FAT3: variants seen among roughly 807,000 people sequenced by gnomAD.
FAT3 encodes FAT atypical cadherin 3, also known as protocadherin Fat 3.
FAT3 carries 95 observed loss-of-function variants against 310.2 expected under a neutral mutation model. The ratio of observed to expected loss-of-function variants is 0.31; its 90% CI spans 0.26 to 0.36. The LOEUF (loss-of-function observed/expected upper bound fraction) is 0.36. Among genes scored for constraint, FAT3 ranks in the 10% least tolerant of loss-of-function variants. FAT3 has a pLI of 1.00. For synonymous variants in FAT3, 2,314 were observed against 2,192.9 expected (o/e 1.06, Z -1.54); for missense variants, 5,408 against 5,715.6 (o/e 0.95, Z 1.74).
chr11:92,728,079 G>A (rs1166112016), intron 4 of FAT3, among the ~76,000 whole-genome samples: 1 of 152,066 alleles, frequency 6.6e-6, no homozygotes, highest in Non-Finnish European at 1.5e-5. Context: ...TAGCTCTGGT[G>A]GTCTAGAGCT....
rs1565597288 is a variant in FAT3 at position 92,792,910 on chromosome 11, T to G, written c.4755T>G (p.Val1585=). Residue 1585 remains valine (V), a synonymous_variant, in exon 9 of 28, where the codon GTT becomes GTG. Coordinates refer to ENST00000525166, the MANE Select transcript of FAT3 (RefSeq NM_001367949.2). ...VFESAALGSA[V]LQVTALDKDK... is the part of the protein sequence containing the mutation. ...AATCTGCTGCTCTGGGATCAGCTGT[T>G]CTGCAAGTGACGGCTCTGGACAAAG... 3.1e-6 allele frequency: 5 copies of G among 1,613,850 alleles called. No homozygotes were observed. Among genetic ancestry groups the G allele is most frequent in the Non-Finnish European group, 3.4e-6 (4 of 1,179,802 alleles).
chr11:92,295,357 G>A (rs376753143), intron 1 of FAT3, among the ~76,000 whole-genome samples: 28 of 152,112 alleles, frequency 1.8e-4, no homozygotes, highest in Admixed American at 9.8e-4. Flanking sequence ...CCAGGAGGCC[G>A]TGTTGGATTA....
At chr11:92,561,923 G>A (rs1813519902) in intron 3 of FAT3, among the ~76,000 whole-genome samples, 1 of 152,104 alleles carries the variant, frequency 6.6e-6, no homozygotes, top group African/African-American at 2.4e-5. Context: ...ACCATGCCTG[G>A]CCTACCATTT....
chr11:92,890,093 C>G (rs1192790205), intron 27 of FAT3, among the ~76,000 whole-genome samples: 1 of 152,232 alleles, frequency 6.6e-6, no homozygotes. Context: ...ACCCATTTGC[C>G]TGCACGCCTT....
In FAT3 at chr11:92,859,139, A is replaced by C. The variant is rs768055609; in HGVS notation, c.11501-26A>C. 8 of 1,604,286 alleles carry C rather than the reference A, an allele frequency of 5.0e-6. No individual in the cohort carries two copies. In the Admixed American group the frequency reaches 5.1e-5, roughly 10 times the overall value. On this transcript the variant is annotated intron_variant, in intron 20 of 27. Transcript: ENST00000525166. Reference sequence around the variant, plus strand: ...TCCTTTCTGGATGTTAAAAATATATATGTCTTCTCATAACGGTCTTTTCAG... The same window carrying C: ...TCCTTTCTGGATGTTAAAAATATATCTGTCTTCTCATAACGGTCTTTTCAG...
chr11:92,810,718 A>T (rs955142206), intron 13 of FAT3, among the ~76,000 whole-genome samples: 3 of 152,310 alleles, frequency 2.0e-5, no homozygotes, highest in Admixed American at 2.0e-4. Flanking sequence ...TCCACTTTAC[A>T]TAATGAGATG....
chr11:92,300,632 G>A (rs1946974573), intron 1 of FAT3, among the ~76,000 whole-genome samples: 1 of 152,068 alleles, frequency 6.6e-6, no homozygotes. Context: ...AGTTTGTCAA[G>A]GTATGCTGTC....
chr11:92,438,545 C>G (rs1037682501), intron 2 of FAT3, among the ~76,000 whole-genome samples: 1 of 152,136 alleles, frequency 6.6e-6, no homozygotes, highest in Non-Finnish European at 1.5e-5. Flanking sequence ...GTTTCCATCT[C>G]TAGAATATAG....
rs1173324071 is a variant in FAT3 at position 92,831,669 on chromosome 11, GTCT to G, written c.9533_9535del (p.Phe3178del). 6.2e-7 allele frequency: 1 copy of G among 1,613,276 alleles called. No individual in the cohort carries two copies. Among genetic ancestry groups the G allele is most frequent in the Non-Finnish European group, 8.5e-7 (1 of 1,179,772 alleles). On this transcript the variant is annotated inframe_deletion, in exon 14 of 28. Transcript: ENST00000525166. The stretch of plus-strand genomic sequence containing the variant: ...CTCCCTGGCAGACTCAGCTGGTGGG[GTCT>G]TCTCCATTGACAGCTCATCTGGCAT...
chr11:92,243,041 A>G (rs968089941), intron 1 of FAT3, among the ~76,000 whole-genome samples: 13 of 152,162 alleles, frequency 8.5e-5, no homozygotes, highest in Non-Finnish European at 1.5e-4. Flanking sequence ...AGAAACAAGT[A>G]TAATTTATGA....
At chr11:92,238,469 T>G (rs1864529147) in intron 1 of FAT3, among the ~76,000 whole-genome samples, 1 of 152,120 alleles carries the variant, frequency 6.6e-6, no homozygotes, top group Non-Finnish European at 1.5e-5. Flanking sequence ...TCTTGAAATT[T>G]CGTTTGTATA....
In FAT3 at chr11:92,788,136, A is replaced by G. The variant is rs147733029; in HGVS notation, c.4336-1807A>G. Among the ~76,000 whole-genome samples the G allele has an allele frequency of 1.4e-3, 207 of 152,286 alleles. 1 individual carries two copies. The highest frequency in any genetic ancestry group is 4.8e-3 in the African/African-American group (198 of 41,568). On this transcript the variant is annotated intron_variant, in intron 7 of 27. Transcript: ENST00000525166. The stretch of plus-strand genomic sequence containing the variant: ...AATGGATAATGGGAAAATGCACAAG[A>G]TAACACTGGAAAAAATTACTGGTAG...
chr11:92,442,058 G>A (rs1201997214), intron 2 of FAT3, among the ~76,000 whole-genome samples: 2 of 134,546 alleles, frequency 1.5e-5, no homozygotes, highest in African/African-American at 2.9e-5. Context: ...CTTTTTAAGT[G>A]CAAAACTTAA....
chr11:92,560,663 A>G (rs1955193701), intron 3 of FAT3, among the ~76,000 whole-genome samples: 1 of 152,214 alleles, frequency 6.6e-6, no homozygotes, highest in South Asian at 2.1e-4. Flanking sequence ...GACTCTGTTT[A>G]TGCTGTGTAT....
At chr11:92,625,619 T>G in intron 3 of FAT3, among the ~76,000 whole-genome samples, 1 of 152,208 alleles carries the variant, frequency 6.6e-6, no homozygotes, top group East Asian at 1.9e-4. Flanking sequence ...GATGCCACAC[T>G]GATGACTCTT....
intron 6 of FAT3, among the ~76,000 whole-genome samples, chr11:92,767,111 T>G (rs948460214): frequency 6.6e-6 from 1 of 152,042 alleles, no homozygotes; most frequent in Admixed American, 6.5e-5. Context: ...TAGCTGGGCA[T>G]GATGGCGGGC....
intron 1 of FAT3, among the ~76,000 whole-genome samples, chr11:92,257,106 G>A (rs1285600873): frequency 6.6e-6 from 1 of 152,060 alleles, no homozygotes; most frequent in South Asian, 2.1e-4. Context: ...CTACCTCAGA[G>A]GTTGTCACTT....
At chr11:92,424,217 G>A (rs371857257) in intron 2 of FAT3, among the ~76,000 whole-genome samples, 15 of 152,122 alleles carry the variant, frequency 9.9e-5, no homozygotes, top group African/African-American at 3.4e-4. Flanking sequence ...TTGTGACCTT[G>A]TGGTTTCTTA....
chr11:92,327,096 T>C (rs1947787200), intron 1 of FAT3, among the ~76,000 whole-genome samples: 1 of 152,154 alleles, frequency 6.6e-6, no homozygotes, highest in African/African-American at 2.4e-5. Context: ...TTAAAAGACA[T>C]GGAGTTACTT....
Sources: gnomAD v4.1 joint callset for allele counts (sites outside exome capture counted in the v4.1 genomes callset) on GRCh38, gnomAD v4.1.1 for gene constraint, MANE v1.5 for transcripts, NCBI Gene and HGNC (gene_info 2026-07-23, HGNC 2026-07-21) for gene names.